The following IGBP1C variants were observed in gnomAD, a reference collection of about 807,000 sequenced individuals.
IGBP1C encodes immunoglobulin-binding protein 1 family member C.
At chr17:58,685,179 T>C in the IGBP1C span, among the ~76,000 whole-genome samples, 6 of 151,222 alleles carry the variant, frequency 4.0e-5, no homozygotes, top group African/African-American at 1.5e-4. Context: ...AAGGACCTGT[T>C]TTGAAGCACG....
At chr17:58,670,947 C>A in the IGBP1C span, among the ~76,000 whole-genome samples, 1 of 152,044 alleles carries the variant, frequency 6.6e-6, no homozygotes, top group Admixed American at 6.6e-5. Flanking sequence ...TTCAAAACAA[C>A]GTGTACACAA....
At chr17:58,664,422 A>C in the IGBP1C span, among the ~76,000 whole-genome samples, 1 of 152,140 alleles carries the variant, frequency 6.6e-6, no homozygotes, top group Non-Finnish European at 1.5e-5. Flanking sequence ...ATATTCTTGA[A>C]TTTCTTTGCT....
chr17:58,668,440 C>A, the IGBP1C span, among the ~76,000 whole-genome samples: 1 of 152,224 alleles, frequency 6.6e-6, no homozygotes, highest in Non-Finnish European at 1.5e-5. Flanking sequence ...GAGGAAGTAA[C>A]TGGAGCCTGG....
At chr17:58,682,156 C>T in the IGBP1C span, among the ~76,000 whole-genome samples, 8 of 152,182 alleles carry the variant, frequency 5.3e-5, no homozygotes, top group South Asian at 1.7e-3. Flanking sequence ...ACCATGTTGC[C>T]CAGGCTGGGC....
the IGBP1C span, among the ~76,000 whole-genome samples, chr17:58,676,453 G>A: frequency 2.6e-5 from 4 of 151,144 alleles, no homozygotes; most frequent in East Asian, 1.9e-4. Flanking sequence ...TCAGCTACTC[G>A]GGAGGCTGAG....
At chr17:58,679,517 A>C in the IGBP1C span, 1 of 152,196 alleles carries the variant, frequency 6.6e-6, no homozygotes, top group Admixed American at 6.6e-5. Context: ...TTTTATAAAC[A>C]AGCCAGATCA....
chr17:58,664,321 G>C, the IGBP1C span, among the ~76,000 whole-genome samples: 1 of 152,174 alleles, frequency 6.6e-6, no homozygotes, highest in South Asian at 2.1e-4. Context: ...TCATGGCTCT[G>C]ATATCACAGG....
chr17:58,673,076 A>G, the IGBP1C span, among the ~76,000 whole-genome samples: 30 of 152,066 alleles, frequency 2.0e-4, no homozygotes, highest in Admixed American at 1.8e-3. Flanking sequence ...ATTTCTTACA[A>G]TTGAGTGGTT....
At chr17:58,674,531 A>T in the IGBP1C span, among the ~76,000 whole-genome samples, 4 of 150,424 alleles carry the variant, frequency 2.7e-5, no homozygotes, top group African/African-American at 4.9e-5. Context: ...TTAGCTGAGC[A>T]TGGTGGCTCA....
chr17:58,671,501 G>A, the IGBP1C span, among the ~76,000 whole-genome samples: 1 of 152,060 alleles, frequency 6.6e-6, no homozygotes, highest in Admixed American at 6.6e-5. Flanking sequence ...TTCTTCTCCT[G>A]GGGTCGCAGC....
At chr17:58,674,044 C>A in the IGBP1C span, among the ~76,000 whole-genome samples, 5 of 152,154 alleles carry the variant, frequency 3.3e-5, no homozygotes, top group African/African-American at 1.2e-4. Flanking sequence ...GAGGCCAAGG[C>A]GGGCAGATTG....
At chr17:58,683,685 C>T in the IGBP1C span, among the ~76,000 whole-genome samples, 63 of 151,576 alleles carry the variant, frequency 4.2e-4, no homozygotes, top group African/African-American at 1.5e-3. Flanking sequence ...ATTGCTTGAA[C>T]CCGGAAGGCG....
the IGBP1C span, among the ~76,000 whole-genome samples, chr17:58,678,855 A>AT: frequency 9.4e-5 from 14 of 149,192 alleles, no homozygotes; most frequent in East Asian, 1.8e-3. Context: ...AATAATAATA[A>AT]AAGAGAAGGA....
the IGBP1C span, chr17:58,660,733 C>T: frequency 1.3e-6 from 1 of 781,328 alleles, no homozygotes; most frequent in Non-Finnish European, 2.4e-6. Flanking sequence ...CTGGTGTTGC[C>T]TTGGCTATTC....
chr17:58,689,624 T>G, the IGBP1C span, among the ~76,000 whole-genome samples: 1 of 152,164 alleles, frequency 6.6e-6, no homozygotes, highest in East Asian at 1.9e-4. Context: ...TCAAATGACT[T>G]AGGTAAATCA....
At chr17:58,666,586 A>C in the IGBP1C span, 1 of 151,888 alleles carries the variant, frequency 6.6e-6, no homozygotes, top group East Asian at 1.9e-4. Context: ...TATACACTGT[A>C]GTTACCCACA....
chr17:58,660,517 GC>G, the IGBP1C span: 6 of 723,650 alleles, frequency 8.3e-6, no homozygotes, highest in Non-Finnish European at 1.5e-5. Context: ...GGGGAAGGCT[GC>G]ATGGTTTTCC....
At chr17:58,676,376 CAAAAAAAACCAAAAAAACA>C in the IGBP1C span, among the ~76,000 whole-genome samples, 3 of 146,414 alleles carry the variant, frequency 2.0e-5, no homozygotes, top group South Asian at 6.5e-4. Flanking sequence ...AAATCCATCT[CAAAAAAAACCAAAAAAACA>C]AAAAAAAACA....
chr17:58,664,863 G>C, the IGBP1C span, among the ~76,000 whole-genome samples: 1 of 152,124 alleles, frequency 6.6e-6, no homozygotes, highest in African/African-American at 2.4e-5. Flanking sequence ...TAGGCAGTGT[G>C]CCTGTGGTAC....
Sources: allele counts gnomAD v4.1 joint callset (sites outside exome capture counted in the v4.1 genomes callset), GRCh38; gene constraint gnomAD v4.1.1; transcripts MANE v1.5; gene names NCBI Gene and HGNC (gene_info 2026-07-23, HGNC 2026-07-21).